The following GRM5 variants were observed in gnomAD, a reference collection of about 807,000 sequenced individuals.
The protein encoded by GRM5 is metabotropic glutamate receptor 5.
Under a neutral mutation model 83.1 loss-of-function variants are expected in GRM5, and 19 were observed. The observed-to-expected ratio is 0.23, with a 90% CI of 0.16 to 0.34. GRM5 has a LOEUF of 0.34. Among genes scored for constraint, GRM5 ranks in the 10% least tolerant of loss-of-function variants. The probability of loss-of-function intolerance (pLI) is 1.00; values close to 1 mark genes in which losing one functional copy is unlikely to be tolerated. For missense variants in GRM5, 1,160 were observed against 1,588.3 expected, an observed-to-expected ratio of 0.73 and a Z score of 4.58; for synonymous variants, 675 against 633.6, an observed-to-expected ratio of 1.07 and a Z score of -0.98.
intron 3 of GRM5, among the ~76,000 whole-genome samples, chr11:88,823,657 G>C (rs1943842372): frequency 6.6e-6 from 1 of 152,108 alleles, no homozygotes; most frequent in African/African-American, 2.4e-5. Flanking sequence ...TGGGTCTCAG[G>C]GAAGGAGATA....
chr11:88,963,479 G>A (rs1410848782), intron 2 of GRM5, among the ~76,000 whole-genome samples: 1 of 152,170 alleles, frequency 6.6e-6, no homozygotes, highest in African/African-American at 2.4e-5. Flanking sequence ...AAAAGGAGAA[G>A]AAGTAATAAA....
intron 9 of GRM5, among the ~76,000 whole-genome samples, chr11:88,516,873 A>G (rs563247638): frequency 6.6e-6 from 1 of 152,200 alleles, no homozygotes; most frequent in South Asian, 2.1e-4. Context: ...ATTTTGCTTA[A>G]TGTCAATCTT....
intron 4 of GRM5, among the ~76,000 whole-genome samples, chr11:88,638,294 T>C (rs1317259067): frequency 1.3e-5 from 2 of 152,014 alleles, no homozygotes; most frequent in Admixed American, 1.3e-4. Context: ...ACCCTAAAAC[T>C]TGAAGTATAA....
At chr11:88,722,809 A>G (rs1034906462) in intron 3 of GRM5, among the ~76,000 whole-genome samples, 4 of 152,278 alleles carry the variant, frequency 2.6e-5, no homozygotes, top group African/African-American at 7.2e-5. Context: ...TAATATTAAC[A>G]TCTTGTATTA....
chr11:88,976,210 G>T (rs1007048057), intron 2 of GRM5, among the ~76,000 whole-genome samples: 4 of 152,170 alleles, frequency 2.6e-5, no homozygotes, highest in African/African-American at 7.2e-5. Flanking sequence ...TACATAGAGT[G>T]TGTGCAGATA....
intron 2 of GRM5, among the ~76,000 whole-genome samples, chr11:88,888,980 C>A (rs548886735): frequency 6.6e-6 from 1 of 152,206 alleles, no homozygotes; most frequent in East Asian, 1.9e-4. Context: ...TAGTCTCCAC[C>A]ATTTTACAAT....
At chr11:89,046,638 A>G (rs191850229) in intron 2 of GRM5, among the ~76,000 whole-genome samples, 184 of 152,344 alleles carry the variant, frequency 1.2e-3, no homozygotes, top group African/African-American at 4.0e-3. Context: ...TACTTCTCAA[A>G]TATGTTCTAT....
At chr11:88,606,617 A>C (rs891484305) in intron 4 of GRM5, among the ~76,000 whole-genome samples, 1 of 152,248 alleles carries the variant, frequency 6.6e-6, no homozygotes, top group Non-Finnish European at 1.5e-5. Context: ...GGACATGATC[A>C]GATTTCTGTT....
chr11:88,566,301 T>G (rs995707262), intron 8 of GRM5, among the ~76,000 whole-genome samples: 5 of 151,458 alleles, frequency 3.3e-5, no homozygotes, highest in Admixed American at 2.0e-4. Flanking sequence ...ATTTATCACA[T>G]AAGGAAGTTC....
At chr11:88,910,559 G>A (rs1945479013) in intron 2 of GRM5, among the ~76,000 whole-genome samples, 1 of 152,004 alleles carries the variant, frequency 6.6e-6, no homozygotes, top group Admixed American at 6.6e-5. Flanking sequence ...GTTTTGATTG[G>A]CTTTCTTTCT....
intron 1 of GRM5, among the ~76,000 whole-genome samples, chr11:89,052,085 C>G (rs1471154494): frequency 6.6e-6 from 1 of 152,142 alleles, no homozygotes. Context: ...TAGACTAGCA[C>G]ATAAACACGT....
chr11:89,002,289 G>A (rs1940406140), intron 2 of GRM5, among the ~76,000 whole-genome samples: 2 of 152,104 alleles, frequency 1.3e-5, no homozygotes, highest in African/African-American at 4.8e-5. Context: ...AAATGTGTAA[G>A]TTATTTGCAT....
intron 2 of GRM5, among the ~76,000 whole-genome samples, chr11:88,953,812 A>T (rs1938533051): frequency 1.3e-5 from 2 of 152,222 alleles, no homozygotes; most frequent in Admixed American, 1.3e-4. Flanking sequence ...TGAGTGCTTT[A>T]TGATGCTAAA....
chr11:88,530,818 G>A (rs541833671), intron 8 of GRM5, among the ~76,000 whole-genome samples: 1 of 152,160 alleles, frequency 6.6e-6, no homozygotes, highest in East Asian at 1.9e-4. Context: ...CCTGAAGCTG[G>A]CAGAAAAGGA....
chr11:88,618,822 T>C (rs974389812), intron 4 of GRM5, among the ~76,000 whole-genome samples: 1 of 152,318 alleles, frequency 6.6e-6, no homozygotes, highest in East Asian at 1.9e-4. Context: ...CATTCAGTAG[T>C]ATTTACTTTG....
At chr11:88,764,790 T>G (rs1042504002) in intron 3 of GRM5, among the ~76,000 whole-genome samples, 5 of 151,092 alleles carry the variant, frequency 3.3e-5, no homozygotes, top group African/African-American at 1.2e-4. Context: ...TTTAAGATAC[T>G]AGAATAAAAA....
intron 3 of GRM5, among the ~76,000 whole-genome samples, chr11:88,796,944 A>T (rs914718987): frequency 8.0e-5 from 12 of 149,728 alleles, no homozygotes; most frequent in Admixed American, 8.0e-4. Flanking sequence ...GTGTGTGTAC[A>T]GAAACAAGCA....
At chr11:88,700,420 T>A (rs1941004419) in intron 3 of GRM5, among the ~76,000 whole-genome samples, 1 of 152,140 alleles carries the variant, frequency 6.6e-6, no homozygotes, top group African/African-American at 2.4e-5. Context: ...ATTGATATAG[T>A]TACTGCCACT....
chr11:88,802,342 T>C (rs1943412910), intron 3 of GRM5, among the ~76,000 whole-genome samples: 1 of 152,166 alleles, frequency 6.6e-6, no homozygotes, highest in African/African-American at 2.4e-5. Flanking sequence ...ATTTATAGTG[T>C]ATACATAGTA....
Sources: gnomAD v4.1 joint callset for allele counts (sites outside exome capture counted in the v4.1 genomes callset) on GRCh38, gnomAD v4.1.1 for gene constraint, MANE v1.5 for transcripts, NCBI Gene and HGNC (gene_info 2026-07-23, HGNC 2026-07-21) for gene names.